The following MYCBP2 variants were observed in gnomAD, a reference collection of about 807,000 sequenced individuals.
MYCBP2 encodes E3 ubiquitin-protein ligase MYCBP2.
MYCBP2 carries 120 observed loss-of-function variants against 525.3 expected under a neutral mutation model. The observed-to-expected ratio is 0.23, with a 90% confidence interval of 0.20 to 0.27. MYCBP2 has a LOEUF of 0.27. Among genes scored for constraint, MYCBP2 ranks in the 10% least tolerant of loss-of-function variants. MYCBP2 has a pLI of 1.00. For synonymous variants in MYCBP2, 1,894 were observed against 1,955.8 expected, an observed-to-expected ratio of 0.97 and a Z score of 0.83; for missense variants, 4,149 against 5,657.1, an observed-to-expected ratio of 0.73 and a Z score of 8.55.
intron 43 of MYCBP2, among the ~76,000 whole-genome samples, chr13:77,162,510 T>C (rs1205515090): frequency 1.3e-5 from 2 of 152,220 alleles, no homozygotes; most frequent in African/African-American, 4.8e-5. Context: ...TCAAATTGTA[T>C]AGGAGTGTAG....
chr13:77,205,638 A>G, intron 24 of MYCBP2, 40 bp from the exon 25 acceptor site: 1 of 1,583,868 alleles, frequency 6.3e-7, no homozygotes, highest in Non-Finnish European at 8.6e-7. Flanking sequence ...CCTTGAAATT[A>G]AAATGTCCTA....
At chr13:77,262,229 A>G in intron 10 of MYCBP2, 100 bp from the exon 11 acceptor site, 1 of 950,294 alleles carries the variant, frequency 1.1e-6, no homozygotes. Flanking sequence ...ATTCAAAATC[A>G]CTAAAAAACA....
intron 37 of MYCBP2, among the ~76,000 whole-genome samples, chr13:77,173,933 G>A (rs2059375237): frequency 6.6e-6 from 1 of 152,140 alleles, no homozygotes; most frequent in Admixed American, 6.5e-5. Flanking sequence ...CAAGATCAAG[G>A]CAACACCACT....
At chr13:77,272,851 G>A (rs1161581056) in intron 5 of MYCBP2, among the ~76,000 whole-genome samples, 1 of 152,206 alleles carries the variant, frequency 6.6e-6, no homozygotes, top group Admixed American at 6.5e-5. Context: ...CCAGAGAAGA[G>A]TAGACAGTCA....
chr13:77,117,821 T>C (rs374790892), intron 55 of MYCBP2, among the ~76,000 whole-genome samples: 9 of 152,156 alleles, frequency 5.9e-5, no homozygotes, highest in Admixed American at 2.0e-4. Flanking sequence ...ATTACTATCA[T>C]GAATGAAGGA....
chr13:77,118,591 A>C, intron 55 of MYCBP2: 6 of 666,326 alleles, frequency 9.0e-6, no homozygotes, highest in Admixed American at 2.1e-5. Flanking sequence ...GATAGAGTTG[A>C]ACACTAAATA....
At chr13:77,203,714 C>T (rs956604369) in intron 26 of MYCBP2, among the ~76,000 whole-genome samples, 7 of 152,226 alleles carry the variant, frequency 4.6e-5, no homozygotes, top group East Asian at 3.9e-4. Context: ...ATCAATGGAA[C>T]GGAACAGAGC....
chr13:77,074,241 T>C (rs771571309), intron 68 of MYCBP2, among the ~76,000 whole-genome samples: 3 of 152,164 alleles, frequency 2.0e-5, no homozygotes, highest in Non-Finnish European at 4.4e-5. Flanking sequence ...GATAGTCTTC[T>C]CAATGAATCG....
intron 23 of MYCBP2, among the ~76,000 whole-genome samples, chr13:77,208,823 T>G (rs1018498251): frequency 6.6e-6 from 1 of 152,186 alleles, no homozygotes; most frequent in Non-Finnish European, 1.5e-5. Flanking sequence ...ACATATTATT[T>G]GTGTAAATTT....
chr13:77,294,626 G>T (rs1192321786), intron 2 of MYCBP2, among the ~76,000 whole-genome samples: 1 of 152,022 alleles, frequency 6.6e-6, no homozygotes, highest in Non-Finnish European at 1.5e-5. Context: ...AAACTTAAAA[G>T]ATATTCAAGA....
At chr13:77,136,059 T>C (rs115202165) in intron 52 of MYCBP2, among the ~76,000 whole-genome samples, 1,716 of 152,260 alleles carry the variant, frequency 0.011, 6 homozygotes, top group African/African-American at 0.016. Context: ...AACCTTGTGA[T>C]CCACCCGTCT....
chr13:77,141,150 T>C (rs2054549572), intron 49 of MYCBP2, among the ~76,000 whole-genome samples: 1 of 152,166 alleles, frequency 6.6e-6, no homozygotes, highest in Non-Finnish European at 1.5e-5. Context: ...TGTCTCAGGA[T>C]GTCAAGGAAA....
chr13:77,098,793 T>A lies in MYCBP2; in HGVS notation c.8361A>T (p.Ser2787=), dbSNP rs570029200. 1 of 1,613,600 alleles carries A rather than the reference T, an allele frequency of 6.2e-7. No individual in the cohort carries two copies. The highest frequency in any genetic ancestry group is 1.3e-5 in the African/African-American group (1 of 74,962). The change falls in exon 56 of 83, where the codon TCA becomes TCT. Residue 2787 remains serine (S), a synonymous_variant. Transcript: ENST00000544440. ...AKLRSDSHSR[S]LSPNHNTLQT... ...GCAAGGTGTTATGGTTGGGGGATAA[T>A]GACCTACTGTGGGAATCTGACCTCA...
intron 55 of MYCBP2, among the ~76,000 whole-genome samples, chr13:77,109,106 C>T (rs546029151): frequency 6.6e-6 from 1 of 152,270 alleles, no homozygotes; most frequent in African/African-American, 2.4e-5. Context: ...GGAAACTGTT[C>T]CATTGTTTCC....
intron 17 of MYCBP2, among the ~76,000 whole-genome samples, chr13:77,237,312 C>T (rs1437465580): frequency 6.6e-6 from 1 of 151,966 alleles, no homozygotes; most frequent in Non-Finnish European, 1.5e-5. Flanking sequence ...CAGAATACTA[C>T]TTTTGTAAAT....
chr13:77,284,114 A>G (rs964209048), intron 3 of MYCBP2, among the ~76,000 whole-genome samples: 3 of 152,190 alleles, frequency 2.0e-5, no homozygotes, highest in African/African-American at 4.8e-5. Context: ...CAAGGTCTAT[A>G]TAACAGTCAA....
chr13:77,159,045 T>G (rs1012283120), intron 44 of MYCBP2, among the ~76,000 whole-genome samples: 1 of 152,036 alleles, frequency 6.6e-6, no homozygotes, highest in Admixed American at 6.6e-5. Context: ...TCCAGTAAGA[T>G]TTTTTCATAG....
rs562118611 is a variant in MYCBP2 at position 77,286,720 on chromosome 13, C to T, written c.594+1441G>A. Reference sequence around the variant, plus strand: ...GCAGTGAGCCGAGATGGCACCACTGCACTCCAGCCTGGGCAACAGAGCTAG... The same window carrying T: ...GCAGTGAGCCGAGATGGCACCACTGTACTCCAGCCTGGGCAACAGAGCTAG... On this transcript the variant is annotated intron_variant, in intron 3 of 82. Transcript: ENST00000544440. Among the ~76,000 whole-genome samples the T allele has an allele frequency of 2.6e-4, 27 of 105,796 alleles. No individual in the cohort carries two copies. The South Asian group carries it at 9.7e-3, about 38-fold the overall frequency. 69.4% of individuals were successfully genotyped at this position (105,796 alleles called of 152,430 possible).
intron 62 of MYCBP2, among the ~76,000 whole-genome samples, chr13:77,084,526 G>C (rs1224106241): frequency 6.6e-6 from 1 of 152,132 alleles, no homozygotes; most frequent in Non-Finnish European, 1.5e-5. Flanking sequence ...ATCAAGGCTT[G>C]GCATTCGACT....
Sources: allele counts gnomAD v4.1 joint callset (sites outside exome capture counted in the v4.1 genomes callset), GRCh38; gene constraint gnomAD v4.1.1; transcripts MANE v1.5; gene names NCBI Gene and HGNC (gene_info 2026-07-23, HGNC 2026-07-21).